KBTBD12: variants seen among roughly 807,000 people sequenced by gnomAD.
KBTBD12 encodes kelch repeat and BTB domain-containing protein 12.
Under a neutral mutation model 58.7 loss-of-function variants are expected in KBTBD12, and 53 were observed. The observed-to-expected ratio is 0.90, with a 90% CI of 0.72 to 1.14. The LOEUF (loss-of-function observed/expected upper bound fraction) is 1.14, where lower values mean the gene tolerates loss of function less well. Ranked by LOEUF, KBTBD12 falls within the 50% of genes most tolerant of loss-of-function variation. KBTBD12 has a pLI of 0.00. For synonymous variants in KBTBD12, 236 were observed against 259.8 expected (o/e 0.91, Z 0.88); for missense variants, 704 against 751.3 (o/e 0.94, Z 0.74).
chr3:127,955,114 C>T lies in KBTBD12; in HGVS notation c.1493-8075C>T, dbSNP rs1000309604. Among the ~76,000 whole-genome samples the T allele has an allele frequency of 2.0e-5, 3 of 152,300 alleles. No homozygotes were observed. In the Middle Eastern group the frequency reaches 0.01, roughly 518 times the overall value. On this transcript the variant is annotated intron_variant, in intron 4 of 5. Transcript: ENST00000405109. The stretch of plus-strand genomic sequence containing the variant: ...GAATTGCATTTTCACATCTCTGTAA[C>T]CTGTCCTATTCTTCTATCATGTAAA...
intron 4 of KBTBD12, among the ~76,000 whole-genome samples, chr3:127,945,659 A>G (rs1940065419): frequency 6.8e-6 from 1 of 146,556 alleles, no homozygotes; most frequent in Admixed American, 6.8e-5. Context: ...TTGAGTCTGA[A>G]CTGGTCTTCT....
At chr3:127,955,024 G>C (rs561946376) in intron 4 of KBTBD12, among the ~76,000 whole-genome samples, 3 of 152,296 alleles carry the variant, frequency 2.0e-5, no homozygotes, top group African/African-American at 7.2e-5. Flanking sequence ...ATCTCTGTGT[G>C]TCCTCTGAAA....
chr3:127,954,069 C>T lies in KBTBD12; in HGVS notation c.1493-9120C>T, dbSNP rs71329978. On this transcript the variant is annotated intron_variant, in intron 4 of 5. Transcript: ENST00000405109. ...AAAGGAGTGGTCTGTTGTTTAATGA[C>T]AGAACCACTGACATGCAGGAGGAGA... Among the ~76,000 whole-genome samples, 1,515 of 152,186 alleles carry T rather than the reference C, an allele frequency of 1.0e-2. 15 individuals carry two copies. The highest frequency in any genetic ancestry group is 0.023 in the Admixed American group (351 of 15,292).
chr3:127,942,384 A>C (rs1262949747), intron 4 of KBTBD12, among the ~76,000 whole-genome samples: 2 of 152,080 alleles, frequency 1.3e-5, no homozygotes, highest in African/African-American at 4.8e-5. Context: ...CTTTAGACTT[A>C]TTCATTCTAC....
chr3:127,956,246 C>A (rs1015312548), intron 4 of KBTBD12, among the ~76,000 whole-genome samples: 1 of 152,100 alleles, frequency 6.6e-6, no homozygotes, highest in South Asian at 2.1e-4. Flanking sequence ...CTCTAAAAGA[C>A]CAAAGTTTAC....
intron 1 of KBTBD12, among the ~76,000 whole-genome samples, chr3:127,919,798 ATG>A (rs1939354695): frequency 6.6e-6 from 1 of 151,714 alleles, no homozygotes; most frequent in South Asian, 2.1e-4. Context: ...ATATATATAT[ATG>A]TATATGTAAA....
chr3:127,938,383 G>C (rs1939871158), intron 4 of KBTBD12, among the ~76,000 whole-genome samples: 1 of 152,084 alleles, frequency 6.6e-6, no homozygotes, highest in Non-Finnish European at 1.5e-5. Context: ...ATTTGATGCA[G>C]ACATTAAGTA....
chr3:127,979,759 A>T (rs949875785), intron 5 of KBTBD12, among the ~76,000 whole-genome samples: 2 of 152,246 alleles, frequency 1.3e-5, no homozygotes, highest in Non-Finnish European at 2.9e-5. Flanking sequence ...AATGTCATAG[A>T]TATATAGAAT....
intron 4 of KBTBD12, among the ~76,000 whole-genome samples, chr3:127,943,283 C>T (rs1939997865): frequency 6.6e-6 from 1 of 152,252 alleles, no homozygotes; most frequent in Middle Eastern, 3.4e-3. Context: ...TCCATAATGG[C>T]CATACCAATT....
At chr3:127,959,409 C>G (rs1268327977) in intron 4 of KBTBD12, among the ~76,000 whole-genome samples, 1 of 152,206 alleles carries the variant, frequency 6.6e-6, no homozygotes, top group African/African-American at 2.4e-5. Flanking sequence ...CATTCCTCAG[C>G]CCTTTGGCCT....
At chr3:127,956,999 T>G (rs1455343969) in intron 4 of KBTBD12, among the ~76,000 whole-genome samples, 1 of 152,208 alleles carries the variant, frequency 6.6e-6, no homozygotes. Context: ...GTAATACATA[T>G]TTTAAAACAG....
chr3:127,935,498 C>A (rs1271841319), intron 4 of KBTBD12, among the ~76,000 whole-genome samples: 3 of 151,978 alleles, frequency 2.0e-5, no homozygotes, highest in African/African-American at 7.2e-5. Context: ...CAGTGGCATG[C>A]ACCTGTAATC....
At chr3:127,962,779 A>G (rs1388600627) in intron 4 of KBTBD12, among the ~76,000 whole-genome samples, 1 of 152,230 alleles carries the variant, frequency 6.6e-6, no homozygotes, top group Non-Finnish European at 1.5e-5. Context: ...GGATGGGAAG[A>G]ACACATTCCT....
intron 5 of KBTBD12, among the ~76,000 whole-genome samples, chr3:127,972,378 T>TA (rs1303963543): frequency 6.6e-6 from 1 of 152,234 alleles, no homozygotes; most frequent in Non-Finnish European, 1.5e-5. Context: ...CAATATTTTT[T>TA]AAAAATCTTC....
intron 4 of KBTBD12, among the ~76,000 whole-genome samples, chr3:127,934,447 A>T (rs1025521572): frequency 6.6e-6 from 1 of 152,162 alleles, no homozygotes; most frequent in Non-Finnish European, 1.5e-5. Context: ...TCAGAGTCAG[A>T]TGGAATATCA....
In KBTBD12 at chr3:127,915,305, G is replaced by A. The variant is rs889622625; in HGVS notation, c.-394G>A. 2 of 152,384 alleles carry A rather than the reference G, an allele frequency of 1.3e-5. No individual in the cohort carries two copies. Among genetic ancestry groups the A allele is most frequent in the African/African-American group, 4.8e-5 (2 of 41,426 alleles). The allele number at this position is 152,384 out of a possible 1,614,324, so 9.4% of individuals were successfully genotyped here. On this transcript the variant is annotated 5_prime_UTR_variant, in exon 1 of 6. Coordinates refer to ENST00000405109, the MANE Select transcript of KBTBD12 (RefSeq NM_207335.4). ...GCTGTAGTCGCCGTCTGGAACCAGC[G>A]CGGGAATAGGTGCGCAGGCGCACAG...
chr3:127,917,662 G>A (rs958441715), intron 1 of KBTBD12, among the ~76,000 whole-genome samples: 1 of 152,158 alleles, frequency 6.6e-6, no homozygotes, highest in Non-Finnish European at 1.5e-5. Flanking sequence ...GTACAGAAAG[G>A]TATTTATCAC....
At position 127,945,164 on chromosome 3, in the gene KBTBD12, C is replaced by CTTTTTTTTTTT. The variant is rs56216317; in HGVS notation, c.1492+14909_1492+14919dup. Among the ~76,000 whole-genome samples the CTTTTTTTTTTT allele has an allele frequency of 3.9e-3, 111 of 28,770 alleles. 43 individuals are homozygous for CTTTTTTTTTTT. The highest frequency in any genetic ancestry group is 6.1e-3 in the East Asian group (6 of 980). 18.9% of individuals were successfully genotyped at this position (28,770 alleles called of 152,430 possible). A position where few individuals can be genotyped will look rare whatever the true frequency, so the allele number is the denominator to read the frequency against. ...TGTTTTTTTTAAAAATAGTAGCTAT[C>CTTTTTTTTTTT]TTTTTTTTTTTTTTTTTTTTTTTTT... On this transcript the variant is annotated intron_variant, in intron 4 of 5. Coordinates refer to ENST00000405109, the MANE Select transcript of KBTBD12 (RefSeq NM_207335.4).
intron 5 of KBTBD12, among the ~76,000 whole-genome samples, chr3:127,982,195 GGT>G (rs769886175): frequency 4.1e-4 from 63 of 152,154 alleles, no homozygotes; most frequent in Non-Finnish European, 7.4e-4. Context: ...GGAGAGTCAG[GGT>G]ATATTGTAAA....
Sources: allele counts gnomAD v4.1 joint callset (sites outside exome capture counted in the v4.1 genomes callset), GRCh38; gene constraint gnomAD v4.1.1; transcripts MANE v1.5; gene names NCBI Gene and HGNC (gene_info 2026-07-23, HGNC 2026-07-21).